The following DDR2 variants were observed in gnomAD, a reference collection of about 807,000 sequenced individuals.
The protein encoded by DDR2 is discoidin domain receptor tyrosine kinase 2, also known as discoidin domain-containing receptor 2.
DDR2 carries 27 observed loss-of-function variants against 94.9 expected under a neutral mutation model. The observed-to-expected ratio is 0.28, with a 90% confidence interval of 0.21 to 0.39. The LOEUF (loss-of-function observed/expected upper bound fraction) is 0.39, where lower values mean the gene tolerates loss of function less well. Among genes scored for constraint, DDR2 ranks in the 10% least tolerant of loss-of-function variants. DDR2 has a pLI of 1.00. For synonymous variants in DDR2, 382 were observed against 377.2 expected (o/e 1.01, Z -0.15); for missense variants, 783 against 1,076.0 (o/e 0.73, Z 3.81).
At position 162,719,155 on chromosome 1, in the gene DDR2, C is replaced by G. The variant is rs1661298313; in HGVS notation, c.82+10C>G. On this transcript the variant is annotated intron_variant, in intron 3 of 17. Coordinates refer to ENST00000367921, the MANE Select transcript of DDR2 (RefSeq NM_006182.4). ...GCTCAGGTTAATCCAGGTAACATGG[C>G]TATTACTCAGCTATATGCTAGAAGA... is the stretch of plus-strand genomic sequence containing the variant. 1 of 1,613,548 alleles carries G rather than the reference C, an allele frequency of 6.2e-7. No individual in the cohort carries two copies.
chr1:162,715,717 C>T (rs1248015091), intron 2 of DDR2, among the ~76,000 whole-genome samples: 1 of 152,218 alleles, frequency 6.6e-6, no homozygotes, highest in African/African-American at 2.4e-5. Flanking sequence ...ACCTCTTTCT[C>T]CTTAGCTTCC....
chr1:162,702,560 C>A (rs1660478465), intron 2 of DDR2, among the ~76,000 whole-genome samples: 1 of 152,170 alleles, frequency 6.6e-6, no homozygotes, highest in Non-Finnish European at 1.5e-5. Flanking sequence ...TGATGTGAAC[C>A]TAAATGTAAT....
At chr1:162,704,612 G>A (rs144378145) in intron 2 of DDR2, among the ~76,000 whole-genome samples, 216 of 152,326 alleles carry the variant, frequency 1.4e-3, no homozygotes, top group African/African-American at 4.7e-3. Context: ...TTTATGGATG[G>A]CATGTTCTCA....
intron 2 of DDR2, among the ~76,000 whole-genome samples, chr1:162,698,639 G>C (rs1660296980): frequency 6.6e-6 from 1 of 152,156 alleles, no homozygotes; most frequent in Admixed American, 6.5e-5. Context: ...AACTCCTGCT[G>C]TGTATAGGTG....
chr1:162,751,196 A>G (rs1331046816), intron 3 of DDR2, among the ~76,000 whole-genome samples: 1 of 152,236 alleles, frequency 6.6e-6, no homozygotes, highest in Admixed American at 6.5e-5. Context: ...AACTACCATC[A>G]GAGTGAACAG....
At chr1:162,752,152 A>C (rs946006796) in intron 3 of DDR2, among the ~76,000 whole-genome samples, 1 of 84,310 alleles carries the variant, frequency 1.2e-5, no homozygotes, top group African/African-American at 3.8e-5. Flanking sequence ...ATAAAAAAAA[A>C]AGAGAAAAGA....
intron 2 of DDR2, among the ~76,000 whole-genome samples, chr1:162,677,740 G>A (rs1659205470): frequency 6.6e-6 from 1 of 152,192 alleles, no homozygotes; most frequent in African/African-American, 2.4e-5. Context: ...TGTGGAGGAG[G>A]TGTTTATGAA....
intron 2 of DDR2, among the ~76,000 whole-genome samples, chr1:162,700,813 C>T (rs955538801): frequency 3.3e-5 from 5 of 152,220 alleles, no homozygotes; most frequent in Middle Eastern, 3.4e-3. Context: ...CAGGGCTCTA[C>T]GAGAATGGCA....
intron 12 of DDR2, 63 bp from the exon 13 acceptor site, chr1:162,771,961 C>T (rs1406241468): frequency 7.9e-6 from 12 of 1,526,642 alleles, no homozygotes; most frequent in African/African-American, 1.4e-5. Flanking sequence ...CTCAGAGTTC[C>T]TTCCTGAAGA....
intron 3 of DDR2, among the ~76,000 whole-genome samples, chr1:162,751,296 A>C (rs1386835084): frequency 6.6e-6 from 1 of 152,204 alleles, no homozygotes; most frequent in Non-Finnish European, 1.5e-5. Context: ...AAACATTTAT[A>C]AGAAAAAAAA....
rs1344227149 is a variant in DDR2, at chr1:162,761,429, G to A, written c.1074G>A (p.Met358Ile). Residue 358 changes from methionine (M) to isoleucine (I), a missense_variant, in exon 9 of 18, where the codon ATG (methionine) becomes ATA (isoleucine). This residue lies in a region of DDR2 where 519 missense variants were observed against 647.9 expected (regional missense o/e 0.80). Coordinates refer to ENST00000367921, the MANE Select transcript of DDR2 (RefSeq NM_006182.4). ...ACCATTTTGCAGATACCTGGATGAT[G>A]TTCAGTGAGATCACCTTCCAATCAG... ...CQYHFADTWM[M>I]FSEITFQSDA... The A allele has an allele frequency of 1.2e-6, 2 of 1,614,070 alleles. No homozygotes were observed. The highest frequency in any genetic ancestry group is 3.3e-5 in the Admixed American group (2 of 60,012).
intron 1 of DDR2, among the ~76,000 whole-genome samples, chr1:162,649,784 A>C (rs903629265): frequency 1.3e-5 from 2 of 152,220 alleles, no homozygotes; most frequent in African/African-American, 4.8e-5. Flanking sequence ...GACTCCAACC[A>C]CATCATGTGA....
chr1:162,638,486 T>A (rs1003693061), intron 1 of DDR2, among the ~76,000 whole-genome samples: 46 of 152,312 alleles, frequency 3.0e-4, no homozygotes, highest in African/African-American at 1.1e-3. Context: ...TCTATGTGTG[T>A]TTTTGGCAAT....
chr1:162,669,626 A>G (rs1658738163), intron 2 of DDR2, among the ~76,000 whole-genome samples: 1 of 152,222 alleles, frequency 6.6e-6, no homozygotes, highest in South Asian at 2.1e-4. Flanking sequence ...ATAAATGTAT[A>G]CTCATTAATT....
chr1:162,680,208 G>T (rs547325025), intron 2 of DDR2, among the ~76,000 whole-genome samples: 6 of 152,212 alleles, frequency 3.9e-5, no homozygotes, highest in African/African-American at 1.4e-4. Flanking sequence ...TCTTTGCCAA[G>T]TCCTATGTCC....
intron 3 of DDR2, among the ~76,000 whole-genome samples, chr1:162,745,669 T>C (rs1026687825): frequency 6.6e-6 from 1 of 152,144 alleles, no homozygotes; most frequent in Non-Finnish European, 1.5e-5. Flanking sequence ...TATTCTGTCC[T>C]ATTGGTCTAT....
rs556724837 is a variant in DDR2 at position 162,644,987 on chromosome 1, C to T, written c.-191-10224C>T. Reference sequence around the variant, plus strand: ...AAAGAAGAGGATCTCTTGGTCCTCTCCTTTCCCCAACCCCAAATAATGGCT... The same window carrying T: ...AAAGAAGAGGATCTCTTGGTCCTCTTCTTTCCCCAACCCCAAATAATGGCT... On this transcript the variant is annotated intron_variant, in intron 1 of 17. Coordinates refer to ENST00000367921, the MANE Select transcript of DDR2 (RefSeq NM_006182.4). 2.6e-5 allele frequency among the ~76,000 whole-genome samples: 4 copies of T among 152,306 alleles called. No individual in the cohort carries two copies. The South Asian group carries it at 8.3e-4, about 32-fold the overall frequency.
chr1:162,673,704 T>G (rs1278806635), intron 2 of DDR2, among the ~76,000 whole-genome samples: 1 of 151,406 alleles, frequency 6.6e-6, no homozygotes, highest in East Asian at 1.9e-4. Context: ...AGATCTCCAT[T>G]TTTTCCCTTC....
intron 1 of DDR2, among the ~76,000 whole-genome samples, chr1:162,645,088 C>G (rs1657341760): frequency 6.6e-6 from 1 of 152,190 alleles, no homozygotes; most frequent in African/African-American, 2.4e-5. Flanking sequence ...AGGCATACTG[C>G]AGGGGTGGCG....
Sources: allele counts gnomAD v4.1 joint callset (sites outside exome capture counted in the v4.1 genomes callset), GRCh38; gene constraint gnomAD v4.1.1; regional missense constraint gnomAD v4.1.1; transcripts MANE v1.5; gene names NCBI Gene and HGNC (gene_info 2026-07-23, HGNC 2026-07-21).